The following CAPN3 variants were observed in gnomAD, a reference collection of about 807,000 sequenced individuals.
CAPN3 encodes calpain-3.
Under a neutral mutation model 114.0 loss-of-function variants are expected in CAPN3, and 88 were observed. The ratio of observed to expected loss-of-function variants is 0.77; its 90% CI spans 0.65 to 0.92. The LOEUF (loss-of-function observed/expected upper bound fraction) is 0.92, where lower values mean the gene tolerates loss of function less well. Ranked by LOEUF, CAPN3 falls within the 40% of genes least tolerant of loss-of-function variation. CAPN3 has a pLI of 0.00. For synonymous variants in CAPN3, 386 were observed against 382.9 expected (o/e 1.01, Z -0.09); for missense variants, 1,028 against 1,069.0 (o/e 0.96, Z 0.53).
intron 15 of CAPN3, 99 bp downstream of exon 15, chr15:42,406,042 C>A: frequency 9.6e-7 from 1 of 1,039,148 alleles, no homozygotes; most frequent in Admixed American, 1.8e-5. Flanking sequence ...CATCCATGCA[C>A]CAGACTTGCC....
intron 1 of CAPN3, among the ~76,000 whole-genome samples, chr15:42,383,538 G>A (rs980463508): frequency 2.0e-5 from 3 of 152,048 alleles, no homozygotes; most frequent in Non-Finnish European, 2.9e-5. Context: ...GCAGTGAGCC[G>A]AGATCGCGCC....
At chr15:42,411,147 G>T in intron 22 of CAPN3, 140 bp from the exon 23 acceptor site, 1 of 1,004,340 alleles carries the variant, frequency 1.0e-6, no homozygotes, top group Middle Eastern at 2.1e-4. Context: ...GGCAAAGGGA[G>T]GGTTACTGGT....
chr15:42,360,037 C>G lies in CAPN3; in HGVS notation c.232C>G (p.Pro78Ala). The change falls in exon 1 of 24, where the codon CCT (proline) becomes GCT (alanine). Residue 78 changes from proline to alanine, a missense_variant. Physicochemically the swap from Pro to Ala is conservative, Grantham distance 27. Coordinates refer to ENST00000397163, the MANE Select transcript of CAPN3 (RefSeq NM_000070.3). ...AGAAAAGAAAGTTCTTTATGTGGAC[C>G]CTGAGTTCCCACCGGATGAGACCTC... ...CLEKKVLYVD[P>A]EFPPDETSLF... 1 of 1,614,190 alleles carries G rather than the reference C, an allele frequency of 6.2e-7. No individual in the cohort carries two copies. Among genetic ancestry groups the G allele is most frequent in the Non-Finnish European group, 8.5e-7 (1 of 1,180,020 alleles).
chr15:42,402,404 TA>T (rs1374450657), intron 12 of CAPN3: 1 of 1,442,162 alleles, frequency 6.9e-7, no homozygotes, highest in East Asian at 2.5e-5. Flanking sequence ...CCTCCACGCT[TA>T]CAGCCACACA....
At chr15:42,380,160 C>T (rs1393412320) in intron 1 of CAPN3, among the ~76,000 whole-genome samples, 2 of 152,058 alleles carry the variant, frequency 1.3e-5, no homozygotes, top group Non-Finnish European at 2.9e-5. Flanking sequence ...TGTTTTTATC[C>T]ACTTTCACAG....
intron 1 of CAPN3, among the ~76,000 whole-genome samples, chr15:42,361,656 C>T (rs1342937435): frequency 2.0e-5 from 3 of 152,132 alleles, no homozygotes; most frequent in Non-Finnish European, 4.4e-5. Context: ...GAAATATCTT[C>T]AGTGACATCC....
chr15:42,410,448 C>A lies in CAPN3; in HGVS notation c.2136C>A (p.Leu712=). The change falls in exon 20 of 24, where the codon CTC becomes CTA. Residue 712 remains leucine, a synonymous_variant. Transcript: ENST00000397163. ...TCCAGACAGATGGCTCTGGAAAGCT[C>A]AACCTGCAGGAGTTCCACCACCTCT... ...ALMDTDGSGK[L]NLQEFHHLWN... 6.2e-7 allele frequency: 1 copy of A among 1,614,124 alleles called. No homozygotes were observed. Among genetic ancestry groups the A allele is most frequent in the South Asian group, 1.1e-5 (1 of 91,068 alleles).
chr15:42,368,515 A>G (rs1350575385), intron 1 of CAPN3, among the ~76,000 whole-genome samples: 1 of 152,208 alleles, frequency 6.6e-6, no homozygotes, highest in Non-Finnish European at 1.5e-5. Flanking sequence ...ATGAATCAAT[A>G]TTAAATAAGG....
Position 42,393,017 on chromosome 15 carries a change from T to A in CAPN3, c.1029+295T>A, listed in dbSNP as rs28364444. 4.7e-4 allele frequency among the ~76,000 whole-genome samples: 71 copies of A among 152,340 alleles called. 3 individuals carry two copies. The East Asian group carries it at 0.013, about 28-fold the overall frequency. ...CTTAACTTTGCTTTTACAAAGTTGG[T>A]TTCATGTGTTCTTGAGCTTCCTGTT... On this transcript the variant is annotated intron_variant, in intron 7 of 23. Coordinates refer to ENST00000397163, the MANE Select transcript of CAPN3 (RefSeq NM_000070.3).
chr15:42,391,380 A>G (rs539978226), intron 6 of CAPN3, among the ~76,000 whole-genome samples: 1 of 152,290 alleles, frequency 6.6e-6, no homozygotes, highest in East Asian at 1.9e-4. Context: ...ATGACAGAAG[A>G]GTCATTTCAA....
In CAPN3 at chr15:42,394,350, G is replaced by C. The variant is rs1475268810; in HGVS notation, c.1115+9G>C. 6.4e-7 allele frequency: 1 copy of C among 1,555,578 alleles called. No individual in the cohort carries two copies. The highest frequency in any genetic ancestry group is 1.2e-5 in the South Asian group (1 of 84,316). On this transcript the variant is annotated intron_variant, in intron 8 of 23. Coordinates refer to ENST00000397163, the MANE Select transcript of CAPN3 (RefSeq NM_000070.3). Reference sequence around the variant, plus strand: ...GGTTCTTGGAGTGATAGGTAGGTGAGGGGACCCCACGGGATTGGCGGTGGC... The same window carrying C: ...GGTTCTTGGAGTGATAGGTAGGTGACGGGACCCCACGGGATTGGCGGTGGC...
At chr15:42,398,466 C>T (rs934750745) in intron 9 of CAPN3, among the ~76,000 whole-genome samples, 3 of 151,720 alleles carry the variant, frequency 2.0e-5, no homozygotes, top group Admixed American at 6.6e-5. Context: ...CACCTGTAAT[C>T]CCAGCTGCTC....
At chr15:42,409,539 A>G (rs2054139359) in intron 17 of CAPN3, among the ~76,000 whole-genome samples, 159 bp downstream of exon 17, 1 of 152,102 alleles carries the variant, frequency 6.6e-6, no homozygotes. Flanking sequence ...CAAGCCCTTG[A>G]GTTTTGGACT....
chr15:42,368,350 G>A (rs938291184), intron 1 of CAPN3, among the ~76,000 whole-genome samples: 2 of 152,164 alleles, frequency 1.3e-5, no homozygotes, highest in Non-Finnish European at 2.9e-5. Flanking sequence ...TGACCTCCAA[G>A]CATAGTGCTG....
At chr15:42,384,606 G>T in intron 2 of CAPN3, 54 bp downstream of exon 2, 1 of 1,292,450 alleles carries the variant, frequency 7.7e-7, no homozygotes, top group Non-Finnish European at 1.1e-6. Context: ...GTGATTACAA[G>T]GTGTGATCCC....
chr15:42,390,790 GTTTTTT>G (rs373599109), intron 6 of CAPN3, among the ~76,000 whole-genome samples: 1 of 110,304 alleles, frequency 9.1e-6, no homozygotes, highest in Non-Finnish European at 2.0e-5. Flanking sequence ...TTGTTTTTTT[GTTTTTT>G]TTTTTTTTTT....
intron 1 of CAPN3, among the ~76,000 whole-genome samples, chr15:42,383,917 GAC>G (rs1170678800): frequency 2.0e-5 from 3 of 152,024 alleles, no homozygotes; most frequent in African/African-American, 7.2e-5. Flanking sequence ...CGAATAGTAT[GAC>G]AGTGTGGGAA....
chr15:42,393,298 A>G lies in CAPN3; in HGVS notation c.1029+576A>G, dbSNP rs555372956. On this transcript the variant is annotated intron_variant, in intron 7 of 23. Coordinates refer to ENST00000397163, the MANE Select transcript of CAPN3 (RefSeq NM_000070.3). Reference sequence around the variant, plus strand: ...TTTTGGTATTATTTTCTGTTGTTGTATTATTATTTTTTCTTTTTTTGAATA... The same window carrying G: ...TTTTGGTATTATTTTCTGTTGTTGTGTTATTATTTTTTCTTTTTTTGAATA... Among the ~76,000 whole-genome samples, 7 of 152,252 alleles carry G rather than the reference A, an allele frequency of 4.6e-5. No homozygotes were observed. In the South Asian group the frequency reaches 8.3e-4, roughly 18 times the overall value.
At chr15:42,389,371 G>A (rs1315628385) in intron 5 of CAPN3, among the ~76,000 whole-genome samples, 1 of 152,164 alleles carries the variant, frequency 6.6e-6, no homozygotes, top group Non-Finnish European at 1.5e-5. Flanking sequence ...TCCCTTGCTG[G>A]TGCTCCTCAG....
Sources: gnomAD v4.1 joint callset for allele counts (sites outside exome capture counted in the v4.1 genomes callset) on GRCh38, gnomAD v4.1.1 for gene constraint, MANE v1.5 for transcripts, NCBI Gene and HGNC (gene_info 2026-07-23, HGNC 2026-07-21) for gene names.